The following GALNT13 variants were observed in gnomAD, a reference collection of about 807,000 sequenced individuals.
GALNT13 encodes UDP-GalNAc:polypeptide N-acetylgalactosaminyltransferase 13.
In GALNT13, 28 loss-of-function variants were observed where a neutral mutation model predicts 64.2. That is an observed-to-expected ratio of 0.44 (90% CI 0.32 to 0.60). The LOEUF (loss-of-function observed/expected upper bound fraction) is 0.60. GALNT13 is among the 20% of genes least tolerant of loss of function. The pLI, the probability that GALNT13 is intolerant of heterozygous loss-of-function variation, is 0.05. For missense variants in GALNT13, 577 were observed against 669.8 expected (o/e 0.86, Z 1.53); for synonymous variants, 214 against 224.6 (o/e 0.95, Z 0.42).
chr2:153,573,301 T>C, the GALNT13 span, among the ~76,000 whole-genome samples: 1 of 152,034 alleles, frequency 6.6e-6, no homozygotes, highest in African/African-American at 2.4e-5. Flanking sequence ...GAATATCTTT[T>C]TCCATTTATT....
chr2:154,183,685 C>T (rs1253114215), intron 4 of GALNT13, among the ~76,000 whole-genome samples: 1 of 152,020 alleles, frequency 6.6e-6, no homozygotes, highest in Non-Finnish European at 1.5e-5. Flanking sequence ...GCACTCCAGC[C>T]TCGGCAACAG....
intron 9 of GALNT13, among the ~76,000 whole-genome samples, chr2:154,354,603 G>A (rs1222710442): frequency 7.3e-6 from 1 of 136,062 alleles, no homozygotes; most frequent in African/African-American, 2.7e-5. Flanking sequence ...GTGTGAAATG[G>A]TGGTTCAATC....
At chr2:153,308,675 C>G in the GALNT13 span, among the ~76,000 whole-genome samples, 2 of 152,122 alleles carry the variant, frequency 1.3e-5, no homozygotes, top group African/African-American at 4.8e-5. Context: ...CTTGCAGATG[C>G]CTGGCTCTCA....
intron 2 of GALNT13, among the ~76,000 whole-genome samples, chr2:153,940,241 G>A (rs1356893425): frequency 4.1e-5 from 6 of 147,386 alleles, no homozygotes; most frequent in Non-Finnish European, 5.9e-5. Flanking sequence ...GATTTCCTGG[G>A]TTTAACTTAA....
the GALNT13 span, among the ~76,000 whole-genome samples, chr2:153,579,585 G>GA: frequency 6.6e-6 from 1 of 152,146 alleles, no homozygotes; most frequent in Non-Finnish European, 1.5e-5. Context: ...AGAAAAGAGA[G>GA]AAAATAGCAT....
At chr2:153,933,162 C>G (rs770265396) in intron 2 of GALNT13, among the ~76,000 whole-genome samples, 3 of 151,920 alleles carry the variant, frequency 2.0e-5, no homozygotes, top group Non-Finnish European at 2.9e-5. Context: ...GAGTTCAGGT[C>G]CTGAATTTCT....
chr2:153,583,214 C>A, the GALNT13 span, among the ~76,000 whole-genome samples: 1 of 152,006 alleles, frequency 6.6e-6, no homozygotes, highest in Non-Finnish European at 1.5e-5. Context: ...AGCTTTTAAG[C>A]CATGAAGAAA....
In GALNT13 at chr2:154,209,260, G is replaced by A. The variant is rs114012722; in HGVS notation, c.312-32770G>A. 5.6e-3 allele frequency among the ~76,000 whole-genome samples: 850 copies of A among 152,176 alleles called. 9 individuals carry two copies. Among genetic ancestry groups the A allele is most frequent in the African/African-American group, 0.019 (805 of 41,520 alleles). ...TTAATTAAATCTGAGGATACAGTGGGGTTTTGTGGTGGTGGTCGTGGTTGA... is the reference window on the plus strand; with the variant it reads ...TTAATTAAATCTGAGGATACAGTGGAGTTTTGTGGTGGTGGTCGTGGTTGA... On this transcript the variant is annotated intron_variant, in intron 4 of 12. Coordinates refer to ENST00000392825, the MANE Select transcript of GALNT13 (RefSeq NM_052917.4).
the GALNT13 span, among the ~76,000 whole-genome samples, chr2:153,357,931 A>G: frequency 6.6e-6 from 1 of 152,230 alleles, no homozygotes; most frequent in African/African-American, 2.4e-5. Context: ...ATGTCACTGT[A>G]TATCCTCCCA....
intron 9 of GALNT13, among the ~76,000 whole-genome samples, chr2:154,311,955 T>A (rs1694066653): frequency 6.6e-6 from 1 of 152,242 alleles, no homozygotes; most frequent in Non-Finnish European, 1.5e-5. Flanking sequence ...ATTGCTGTTA[T>A]CCTGTTCTTT....
chr2:154,383,278 G>A (rs1298581822), intron 9 of GALNT13, among the ~76,000 whole-genome samples: 1 of 151,848 alleles, frequency 6.6e-6, no homozygotes, highest in Non-Finnish European at 1.5e-5. Context: ...ATGATGCACT[G>A]TTTGAGTGTT....
At chr2:153,251,978 A>G in the GALNT13 span, among the ~76,000 whole-genome samples, 1 of 151,794 alleles carries the variant, frequency 6.6e-6, no homozygotes, top group Non-Finnish European at 1.5e-5. Flanking sequence ...TCCTTTGGGT[A>G]TATACCCAGT....
the GALNT13 span, among the ~76,000 whole-genome samples, chr2:153,365,187 G>A: frequency 1.1e-4 from 17 of 152,104 alleles, no homozygotes; most frequent in South Asian, 2.1e-4. Flanking sequence ...CTGGCTAGCC[G>A]TATGCAGAAA....
intron 7 of GALNT13, among the ~76,000 whole-genome samples, chr2:154,247,443 T>C (rs1301946801): frequency 6.6e-6 from 1 of 152,050 alleles, no homozygotes; most frequent in African/African-American, 2.4e-5. Flanking sequence ...TACATATAGA[T>C]AATGTTTTTA....
the GALNT13 span, among the ~76,000 whole-genome samples, chr2:153,788,043 G>A: frequency 1.3e-5 from 2 of 152,100 alleles, no homozygotes; most frequent in Non-Finnish European, 2.9e-5. Flanking sequence ...AGAACTTCCC[G>A]AACCTAGCTA....
chr2:154,186,454 G>A lies in GALNT13; in HGVS notation c.311+45949G>A, dbSNP rs377454557. Among the ~76,000 whole-genome samples, 22 of 152,130 alleles carry A rather than the reference G, an allele frequency of 1.4e-4. No individual in the cohort carries two copies. In the East Asian group the frequency reaches 2.5e-3, roughly 17 times the overall value. On this transcript the variant is annotated intron_variant, in intron 4 of 12. Transcript: ENST00000392825. ...AAAGGTACATGTTGTTGCTGCTTACGTTATTTTTACTGGGAGGTGAAGAAT... is the reference window on the plus strand; with the variant it reads ...AAAGGTACATGTTGTTGCTGCTTACATTATTTTTACTGGGAGGTGAAGAAT...
chr2:154,007,249 C>G (rs1437359829), intron 3 of GALNT13, among the ~76,000 whole-genome samples: 1 of 149,088 alleles, frequency 6.7e-6, no homozygotes, highest in Non-Finnish European at 1.5e-5. Flanking sequence ...AAAACAGGGA[C>G]TTCATTCCTA....
At chr2:154,441,231 G>T (rs1403606409) in intron 12 of GALNT13, among the ~76,000 whole-genome samples, 2 of 152,094 alleles carry the variant, frequency 1.3e-5, no homozygotes, top group African/African-American at 4.8e-5. Flanking sequence ...TTGGAAAATG[G>T]CAAGGCCTCC....
chr2:153,275,549 G>A, the GALNT13 span, among the ~76,000 whole-genome samples: 1 of 152,132 alleles, frequency 6.6e-6, no homozygotes, highest in Non-Finnish European at 1.5e-5. Context: ...CCAGAAGTAT[G>A]ATAAATAAAT....
Sources: allele counts gnomAD v4.1 joint callset (sites outside exome capture counted in the v4.1 genomes callset), GRCh38; gene constraint gnomAD v4.1.1; transcripts MANE v1.5; gene names NCBI Gene and HGNC (gene_info 2026-07-23, HGNC 2026-07-21).